Variants in CSMD1 observed in about 807,000 individuals in gnomAD.
CSMD1 encodes CUB and sushi domain-containing protein 1.
In CSMD1, 213 loss-of-function variants were observed where a neutral mutation model predicts 417.5. The ratio of observed to expected loss-of-function variants is 0.51; its 90% CI spans 0.46 to 0.57. The LOEUF is 0.57. CSMD1 is among the 20% of genes least tolerant of loss of function. The pLI, the probability that CSMD1 is intolerant of heterozygous loss-of-function variation, is 0.00. For synonymous variants in CSMD1, 2,862 were observed against 1,736.8 expected, an observed-to-expected ratio of 1.65 and a Z score of -16.11; for missense variants, 6,923 against 4,529.7, an observed-to-expected ratio of 1.53 and a Z score of -15.17.
At chr8:4,126,889 G>C (rs1386104995) in intron 3 of CSMD1, among the ~76,000 whole-genome samples, 2 of 152,082 alleles carry the variant, frequency 1.3e-5, no homozygotes, top group Non-Finnish European at 2.9e-5. Context: ...CTGTCTCCTG[G>C]GAATGGGTTA....
At chr8:3,369,045 CAGAG>C (rs1222341276) in intron 19 of CSMD1, among the ~76,000 whole-genome samples, 2 of 152,182 alleles carry the variant, frequency 1.3e-5, no homozygotes, top group Non-Finnish European at 2.9e-5. Flanking sequence ...ATCTGATAAA[CAGAG>C]AGCAAAACGG....
At chr8:3,094,315 G>C (rs1815152874) in intron 47 of CSMD1, among the ~76,000 whole-genome samples, 1 of 152,014 alleles carries the variant, frequency 6.6e-6, no homozygotes, top group African/African-American at 2.4e-5. Context: ...ACGCTGGCCA[G>C]GCTGGTCTCA....
intron 5 of CSMD1, among the ~76,000 whole-genome samples, chr8:3,802,675 G>T (rs1015981709): frequency 6.6e-6 from 1 of 152,110 alleles, no homozygotes; most frequent in East Asian, 1.9e-4. Context: ...CTCTACTCAT[G>T]ACACTTCAAA....
chr8:4,894,254 T>C (rs571311317), intron 1 of CSMD1, among the ~76,000 whole-genome samples: 1 of 152,114 alleles, frequency 6.6e-6, no homozygotes, highest in Non-Finnish European at 1.5e-5. Flanking sequence ...CTTTGATCTT[T>C]TACCTATCAA....
At chr8:3,187,319 G>A (rs551382591) in intron 36 of CSMD1, among the ~76,000 whole-genome samples, 2 of 152,182 alleles carry the variant, frequency 1.3e-5, no homozygotes, top group South Asian at 2.1e-4. Context: ...GAGGGCAATG[G>A]GAAGGGAAGA....
intron 41 of CSMD1, among the ~76,000 whole-genome samples, chr8:3,129,056 T>C (rs1325591028): frequency 6.6e-6 from 1 of 152,160 alleles, no homozygotes; most frequent in African/African-American, 2.4e-5. Context: ...ACTTATGCTT[T>C]CTAACGCTCA....
intron 2 of CSMD1, among the ~76,000 whole-genome samples, chr8:4,587,386 CAT>C (rs1799755399): frequency 1.4e-5 from 2 of 146,200 alleles, no homozygotes; most frequent in Non-Finnish European, 3.0e-5. Flanking sequence ...TGTATATGTA[CAT>C]ACATGTATAT....
chr8:3,078,535 G>C (rs1472975078), intron 49 of CSMD1, among the ~76,000 whole-genome samples: 1 of 152,184 alleles, frequency 6.6e-6, no homozygotes, highest in Non-Finnish European at 1.5e-5. Context: ...AGATTAATTT[G>C]ATCCTGGGTT....
chr8:3,189,514 C>T (rs1796287550), intron 34 of CSMD1, among the ~76,000 whole-genome samples: 1 of 152,182 alleles, frequency 6.6e-6, no homozygotes. Context: ...AACAAGGTCA[C>T]TGTTATTCAG....
At chr8:4,483,827 C>G (rs560155306) in intron 2 of CSMD1, among the ~76,000 whole-genome samples, 364 of 152,204 alleles carry the variant, frequency 2.4e-3, no homozygotes, top group African/African-American at 8.4e-3. Flanking sequence ...TTCAAAAACT[C>G]TAGAAAATAA....
intron 6 of CSMD1, among the ~76,000 whole-genome samples, chr8:3,721,984 C>G (rs922502831): frequency 1.3e-5 from 2 of 152,108 alleles, no homozygotes; most frequent in African/African-American, 4.8e-5. Flanking sequence ...TGTCCCCAAG[C>G]CCCCCACAAG....
chr8:3,527,968 C>T (rs10096347), intron 10 of CSMD1, among the ~76,000 whole-genome samples: 74 of 151,928 alleles, frequency 4.9e-4, no homozygotes, highest in African/African-American at 1.7e-3. Flanking sequence ...CTGTGGCCTC[C>T]GCCCACCACA....
chr8:3,926,092 C>CACACACAAACACCAT (rs1489157043), intron 5 of CSMD1, among the ~76,000 whole-genome samples: 18 of 49,526 alleles, frequency 3.6e-4, no homozygotes, highest in African/African-American at 2.0e-3. Context: ...TACACACACA[C>CACACACAAACACCAT]ACACACACAC....
At chr8:4,838,729 T>C (rs1200600122) in intron 1 of CSMD1, among the ~76,000 whole-genome samples, 2 of 152,176 alleles carry the variant, frequency 1.3e-5, no homozygotes, top group Admixed American at 6.5e-5. Flanking sequence ...CCTTGTTTCA[T>C]GCCATCGGCT....
At chr8:3,773,592 T>C (rs1269545707) in intron 5 of CSMD1, among the ~76,000 whole-genome samples, 1 of 152,146 alleles carries the variant, frequency 6.6e-6, no homozygotes, top group Non-Finnish European at 1.5e-5. Context: ...CGTCCTATAA[T>C]AGGTATTTAG....
chr8:3,746,921 C>T (rs970826859), intron 6 of CSMD1, among the ~76,000 whole-genome samples: 1 of 152,200 alleles, frequency 6.6e-6, no homozygotes, highest in Non-Finnish European at 1.5e-5. Context: ...AGGACACTGG[C>T]CTGTCAGCTT....
chr8:4,937,040 G>A (rs532119361), intron 1 of CSMD1, among the ~76,000 whole-genome samples: 137 of 152,158 alleles, frequency 9.0e-4, no homozygotes, highest in Non-Finnish European at 1.2e-3. Flanking sequence ...ACAGGACTCT[G>A]TCTGTATGAA....
chr8:4,107,166 C>G (rs187157732), intron 3 of CSMD1, among the ~76,000 whole-genome samples: 1 of 152,292 alleles, frequency 6.6e-6, no homozygotes, highest in Non-Finnish European at 1.5e-5. Context: ...CAGTCAACTT[C>G]AGAAAACAAA....
intron 3 of CSMD1, among the ~76,000 whole-genome samples, chr8:4,056,452 G>A (rs188851428): frequency 6.8e-6 from 1 of 146,272 alleles, no homozygotes; most frequent in East Asian, 2.0e-4. Flanking sequence ...ATTTATTTAT[G>A]ATATTAAAAT....
Sources: gnomAD v4.1 joint callset for allele counts (sites outside exome capture counted in the v4.1 genomes callset) on GRCh38, gnomAD v4.1.1 for gene constraint, MANE v1.5 for transcripts, NCBI Gene and HGNC (gene_info 2026-07-23, HGNC 2026-07-21) for gene names.